Variants in ATXN7 observed in about 807,000 individuals in gnomAD.
The protein encoded by ATXN7 is ataxin 7.
Under a neutral mutation model 70.5 loss-of-function variants are expected in ATXN7, and 12 were observed. The observed-to-expected ratio is 0.17, with a 90% confidence interval of 0.11 to 0.28. The LOEUF (loss-of-function observed/expected upper bound fraction) is 0.28, where lower values mean the gene tolerates loss of function less well. Among genes scored for constraint, ATXN7 ranks in the 10% least tolerant of loss-of-function variants. The pLI, the probability that ATXN7 is intolerant of heterozygous loss-of-function variation, is 1.00. For missense variants in ATXN7, 1,256 were observed against 1,131.7 expected, an observed-to-expected ratio of 1.11 and a Z score of -1.58; for synonymous variants, 498 against 448.7, an observed-to-expected ratio of 1.11 and a Z score of -1.39.
intron 2 of ATXN7, among the ~76,000 whole-genome samples, chr3:63,898,974 T>C (rs1218803152): frequency 6.6e-6 from 1 of 152,132 alleles, no homozygotes; most frequent in Non-Finnish European, 1.5e-5. Flanking sequence ...TCTGGGCCCA[T>C]TGCCTTTGCC....
intron 4 of ATXN7, among the ~76,000 whole-genome samples, chr3:63,917,487 A>T (rs1704328968): frequency 6.6e-6 from 1 of 152,236 alleles, no homozygotes; most frequent in Non-Finnish European, 1.5e-5. Flanking sequence ...TTAGTTGCAC[A>T]GCAGATTTTA....
intron 5 of ATXN7, among the ~76,000 whole-genome samples, chr3:63,957,392 A>G (rs913314890): frequency 1.3e-5 from 2 of 152,194 alleles, no homozygotes; most frequent in Non-Finnish European, 2.9e-5. Flanking sequence ...TGGAGCAGCC[A>G]CTTTTTCCCA....
chr3:63,940,161 C>T (rs1258179215), intron 4 of ATXN7, among the ~76,000 whole-genome samples: 1 of 152,034 alleles, frequency 6.6e-6, no homozygotes, highest in Non-Finnish European at 1.5e-5. Context: ...TGTGCGCATG[C>T]CCAGAAAGGA....
chr3:63,961,065 T>TA (rs2075121066), intron 5 of ATXN7, among the ~76,000 whole-genome samples: 1 of 152,290 alleles, frequency 6.6e-6, no homozygotes, highest in East Asian at 1.9e-4. Context: ...AACCAGAGGA[T>TA]AAGTATGCAA....
chr3:63,988,414 A>T, intron 9 of ATXN7, 90 bp downstream of exon 9: 1 of 1,513,562 alleles, frequency 6.6e-7, no homozygotes, highest in Non-Finnish European at 9.0e-7. Flanking sequence ...CTGTTGAGAA[A>T]CATATCTCAG....
chr3:63,910,973 G>A (rs1171301496), intron 2 of ATXN7, among the ~76,000 whole-genome samples: 2 of 151,676 alleles, frequency 1.3e-5, no homozygotes, highest in East Asian at 3.9e-4. Flanking sequence ...AACTTCCTGT[G>A]TTTCTGCAAG....
intron 5 of ATXN7, among the ~76,000 whole-genome samples, chr3:63,954,272 G>A (rs551406570): frequency 1.3e-5 from 2 of 152,214 alleles, no homozygotes; most frequent in Non-Finnish European, 2.9e-5. Context: ...ACATATGGCT[G>A]CACAGTTTGT....
intron 1 of ATXN7, among the ~76,000 whole-genome samples, chr3:63,877,431 A>T (rs1338721855): frequency 2.0e-5 from 3 of 152,254 alleles, no homozygotes; most frequent in Non-Finnish European, 2.9e-5. Flanking sequence ...AGAGTGGTAG[A>T]AATGGGTACA....
At chr3:63,998,763 G>A (rs886899306) in intron 12 of ATXN7, 7 of 891,740 alleles carry the variant, frequency 7.8e-6, no homozygotes, top group Admixed American at 6.2e-5. Flanking sequence ...AAAGGGACTC[G>A]TGACCCCAAA....
In ATXN7 at chr3:63,995,757, A is replaced by G; in HGVS notation, c.1935A>G (p.Gln645=). Reference sequence around the variant, plus strand: ...CTGTGTGCAGTATGCAATCCAGACAAGTGTCCTCTTCATCCTCATCCCCTT... The same window carrying G: ...CTGTGTGCAGTATGCAATCCAGACAGGTGTCCTCTTCATCCTCATCCCCTT... The part of the protein sequence containing the change: ...MDPVCSMQSR[Q]VSSSSSSPST... Residue 645 remains glutamine, a synonymous_variant, in exon 12 of 13, where the codon CAA becomes CAG. Transcript: ENST00000674280. The G allele has an allele frequency of 2.5e-6, 4 of 1,614,202 alleles. No individual in the cohort carries two copies. In the South Asian group the frequency reaches 4.4e-5, roughly 18 times the overall value.
At chr3:63,955,768 G>A (rs577221629) in intron 5 of ATXN7, among the ~76,000 whole-genome samples, 12 of 152,106 alleles carry the variant, frequency 7.9e-5, no homozygotes, top group Non-Finnish European at 1.8e-4. Context: ...AAAATGTGTC[G>A]GCAGTCTTCT....
intron 2 of ATXN7, among the ~76,000 whole-genome samples, chr3:63,907,126 T>C (rs1258605899): frequency 6.6e-6 from 1 of 152,214 alleles, no homozygotes; most frequent in Admixed American, 6.5e-5. Context: ...TTTCTTAATG[T>C]TCTTCATAAA....
In ATXN7 at chr3:63,996,431, C is replaced by G; in HGVS notation, c.2609C>G (p.Thr870Arg). ...GTGAACAATGTCCACATGAAACACA[C>G]AGGCACCATCCCAGGGGCACAAGGA... ...PAVNNVHMKHTGTIPGAQGLM... is the reference protein window; with the variant it reads ...PAVNNVHMKHRGTIPGAQGLM... The change falls in exon 12 of 13, where the codon ACA (threonine) becomes AGA (arginine). Residue 870 changes from threonine to arginine, a missense_variant. Coordinates refer to ENST00000674280, the MANE Select transcript of ATXN7 (RefSeq NM_001377405.1). The G allele has an allele frequency of 6.2e-7, 1 of 1,614,172 alleles. No individual in the cohort carries two copies. The highest frequency in any genetic ancestry group is 8.5e-7 in the Non-Finnish European group (1 of 1,180,030).
intron 4 of ATXN7, among the ~76,000 whole-genome samples, chr3:63,937,153 T>C (rs2074677055): frequency 6.6e-6 from 1 of 152,208 alleles, no homozygotes; most frequent in Non-Finnish European, 1.5e-5. Context: ...TATGGCCATG[T>C]AATTACTGAT....
chr3:63,930,984 TG>T (rs1219495300), intron 4 of ATXN7, among the ~76,000 whole-genome samples: 3 of 152,194 alleles, frequency 2.0e-5, no homozygotes, highest in African/African-American at 7.2e-5. Context: ...TTGCCGTATG[TG>T]GCTTGGGAGA....
chr3:63,970,427 A>G (rs892688051), intron 5 of ATXN7, among the ~76,000 whole-genome samples: 12 of 152,112 alleles, frequency 7.9e-5, no homozygotes, highest in Non-Finnish European at 4.4e-5. Flanking sequence ...AGGGTGTTAT[A>G]CTCATAGCTG....
chr3:63,925,276 A>T (rs1704670605), intron 4 of ATXN7, among the ~76,000 whole-genome samples: 1 of 152,144 alleles, frequency 6.6e-6, no homozygotes, highest in African/African-American at 2.4e-5. Flanking sequence ...CCAAGTAACA[A>T]CAGACATTTA....
At chr3:63,947,214 T>C (rs572428696) in intron 4 of ATXN7, among the ~76,000 whole-genome samples, 1 of 152,324 alleles carries the variant, frequency 6.6e-6, no homozygotes, top group South Asian at 2.1e-4. Flanking sequence ...AAGACTGGCA[T>C]GTAGTAGCTC....
chr3:63,991,000 A>G, intron 11 of ATXN7, 141 bp downstream of exon 11: 1 of 1,157,336 alleles, frequency 8.6e-7, no homozygotes. Context: ...GTGCCTTGTC[A>G]TTCATTCATT....
Sources: allele counts gnomAD v4.1 joint callset (sites outside exome capture counted in the v4.1 genomes callset), GRCh38; gene constraint gnomAD v4.1.1; transcripts MANE v1.5; gene names NCBI Gene and HGNC (gene_info 2026-07-23, HGNC 2026-07-21).